Variants in SEPTIN6 observed in about 807,000 individuals in gnomAD.
The protein encoded by SEPTIN6 is septin-6.
In SEPTIN6, 8 loss-of-function variants were observed where a neutral mutation model predicts 33.6. That is an observed-to-expected ratio of 0.24 (90% confidence interval 0.14 to 0.43). SEPTIN6 has a LOEUF of 0.43. SEPTIN6 is among the 20% of genes least tolerant of loss of function. The pLI is 1.00. For missense variants in SEPTIN6, 250 were observed against 340.8 expected (o/e 0.73, Z 2.10); for synonymous variants, 131 against 140.0 (o/e 0.94, Z 0.45).
In SEPTIN6 at chrX:119,617,009, A is replaced by ATTTTT; in HGVS notation, c.*3083_*3084insAAAAA. The ATTTTT allele has an allele frequency of 2.0e-6, 2 of 1,000,771 alleles. No individual in the cohort carries two copies. Among genetic ancestry groups the ATTTTT allele is most frequent in the Non-Finnish European group, 2.5e-6 (2 of 790,252 alleles). 82.5% of individuals were successfully genotyped at this position (1,000,771 alleles called of 1,213,427 possible). A position where few individuals can be genotyped will look rare whatever the true frequency, so the allele number is the denominator to read the frequency against. ...AACAGCCACATGTGAATGCCAAATG[A>ATTTTT]TTAAAACAAAAAAACAAAAACAAGA... On this transcript the variant is annotated 3_prime_UTR_variant, in exon 11 of 11. Transcript: ENST00000394610.
At chrX:119,658,693 T>C (rs1242142178) in intron 3 of SEPTIN6, among the ~76,000 whole-genome samples, 1 of 112,719 alleles carries the variant, frequency 8.9e-6, no homozygotes, top group African/African-American at 3.2e-5. Context: ...GTGGATATTA[T>C]ACCATCCTTT....
chrX:119,620,868 C>T (rs902292568), intron 10 of SEPTIN6, among the ~76,000 whole-genome samples: 5 of 110,781 alleles, frequency 4.5e-5, no homozygotes, highest in African/African-American at 9.9e-5. Context: ...GTGATCCACC[C>T]GCCTCAGCCT....
chrX:119,625,517 G>T (rs2053844601), intron 9 of SEPTIN6, 138 bp from the exon 10 acceptor site: 1 of 521,658 alleles, frequency 1.9e-6, no homozygotes, highest in African/African-American at 2.4e-5. Context: ...AGGGTGGACT[G>T]GTAGGAACCC....
chrX:119,617,215 T>C lies in SEPTIN6; in HGVS notation c.*2878A>G, dbSNP rs909766131. 4.9e-6 allele frequency: 4 copies of C among 809,766 alleles called. No individual in the cohort carries two copies. In the African/African-American group the frequency reaches 8.9e-5, roughly 18 times the overall value. The allele number at this position is 809,766 out of a possible 1,213,427, so 66.7% of individuals were successfully genotyped here. ...ACCATTTCTAATGACTGGTTTTGTT[T>C]CACCAGAAGTAAACAGAGTACTTAG... On this transcript the variant is annotated 3_prime_UTR_variant, in exon 11 of 11. Transcript: ENST00000394610.
chrX:119,619,436 T>C lies in SEPTIN6; in HGVS notation c.*657A>G. 1.2e-6 allele frequency: 1 copy of C among 814,863 alleles called. No homozygotes were observed. Among genetic ancestry groups the C allele is most frequent in the Non-Finnish European group, 1.5e-6 (1 of 676,751 alleles). The allele number at this position is 814,863 out of a possible 1,213,427, so 67.2% of individuals were successfully genotyped here. On this transcript the variant is annotated 3_prime_UTR_variant, in exon 11 of 11. Coordinates refer to ENST00000394610, the MANE Select transcript of SEPTIN6 (RefSeq NM_145799.4). Reference sequence around the variant, plus strand: ...GTTGTGTTTTATGGGAAGGGCTTGGTGTAAATAAATGCGTTGCCGATTTTG... The same window carrying C: ...GTTGTGTTTTATGGGAAGGGCTTGGCGTAAATAAATGCGTTGCCGATTTTG...
chrX:119,665,085 ATTCTTC>A (rs201248910), intron 2 of SEPTIN6, among the ~76,000 whole-genome samples: 18 of 103,931 alleles, frequency 1.7e-4, no homozygotes, highest in Admixed American at 1.7e-3. Context: ...GGCCACAAAA[ATTCTTC>A]TTCTTCTTCT....
chrX:119,617,692 A>T lies in SEPTIN6; in HGVS notation c.*2401T>A, dbSNP rs2147419713. On this transcript the variant is annotated 3_prime_UTR_variant, in exon 11 of 11. Transcript: ENST00000394610. Reference sequence around the variant, plus strand: ...GAATCCCTTTGTGAAACTGATTGGGAGTCAGGAGGCATGAAAATTAGTCTG... The same window carrying T: ...GAATCCCTTTGTGAAACTGATTGGGTGTCAGGAGGCATGAAAATTAGTCTG... 1.3e-6 allele frequency: 1 copy of T among 798,098 alleles called. No individual in the cohort carries two copies. The highest frequency in any genetic ancestry group is 2.2e-5 in the African/African-American group (1 of 45,893). 65.8% of individuals were successfully genotyped at this position (798,098 alleles called of 1,213,427 possible). A position where few individuals can be genotyped will look rare whatever the true frequency, so the allele number is the denominator to read the frequency against.
intron 8 of SEPTIN6, among the ~76,000 whole-genome samples, chrX:119,631,219 C>T (rs1223541083): frequency 4.9e-4 from 49 of 99,037 alleles, no homozygotes; most frequent in African/African-American, 1.9e-3. Context: ...CTCGCTCTGT[C>T]GCCCAAGCTG....
chrX:119,666,402 A>AC (rs1401746860), intron 2 of SEPTIN6, among the ~76,000 whole-genome samples: 40 of 111,112 alleles, frequency 3.6e-4, no homozygotes, highest in African/African-American at 1.3e-3. Context: ...TCCCCTCCCC[A>AC]CTCTGGGTGT....
chrX:119,637,654 TATCCATCC>T lies in SEPTIN6; in HGVS notation c.788-467_788-460del, dbSNP rs35208481. Among the ~76,000 whole-genome samples the T allele has an allele frequency of 3.0e-4, 28 of 91,900 alleles. No homozygotes were observed. In the South Asian group the frequency reaches 3.3e-3, roughly 11 times the overall value. The allele number at this position is 91,900 out of a possible 115,157, so 79.8% of individuals were successfully genotyped here. A position where few individuals can be genotyped will look rare whatever the true frequency, so the allele number is the denominator to read the frequency against. On this transcript the variant is annotated intron_variant, in intron 6 of 10. Transcript: ENST00000394610. ...CCATCCACTCATCCATCCATCTATC[TATCCATCC>T]ATCCATCCATCCATCCATCCATCCA... is the stretch of plus-strand genomic sequence containing the variant.
At chrX:119,663,702 G>A (rs1198845017) in intron 2 of SEPTIN6, 25 bp from the exon 3 acceptor site, 2 of 1,137,696 alleles carry the variant, frequency 1.8e-6, no homozygotes, top group South Asian at 2.0e-5. Context: ...GATAAATTAT[G>A]GTCTGTTCAC....
At chrX:119,620,420 G>A (rs1381113184) in intron 10 of SEPTIN6, among the ~76,000 whole-genome samples, 3 of 103,764 alleles carry the variant, frequency 2.9e-5, no homozygotes, top group East Asian at 3.1e-4. Flanking sequence ...CCGGGTTCAC[G>A]CCATTCTCCT....
intron 10 of SEPTIN6, among the ~76,000 whole-genome samples, chrX:119,621,819 T>TAG (rs2147437606): frequency 1.2e-5 from 1 of 85,235 alleles, no homozygotes; most frequent in African/African-American, 4.4e-5. Context: ...AAAAAAAAAA[T>TAG]AGAGAGATAG....
Position 119,620,060 on chromosome X carries a change from G to A in SEPTIN6, c.*42-9C>T. The A allele has an allele frequency of 8.6e-7, 1 of 1,167,144 alleles. No homozygotes were observed. The highest frequency in any genetic ancestry group is 1.2e-6 in the Non-Finnish European group (1 of 863,283). ...TCTACAGGAAGCCCAAACTGAAAAT[G>A]AAAAGAGAAGCTGAGTTAATGAATG... On this transcript the variant is annotated splice_polypyrimidine_tract_variant and intron_variant, in intron 10 of 10. Coordinates refer to ENST00000394610, the MANE Select transcript of SEPTIN6 (RefSeq NM_145799.4).
chrX:119,663,457 TACCCCACCCC>T lies in SEPTIN6; in HGVS notation c.341+15_341+24del. On this transcript the variant is annotated intron_variant, in intron 3 of 10. Transcript: ENST00000394610. ...CGGCCCTCTACCAACCTCCCCACCC[TACCCCACCCC>T]ACCGCCTTCTTTACCTGTCCTCTTT... is the stretch of plus-strand genomic sequence containing the variant. The T allele has an allele frequency of 2.4e-6, 1 of 408,380 alleles. No homozygotes were observed. The highest frequency in any genetic ancestry group is 4.2e-6 in the Non-Finnish European group (1 of 238,200). The allele number at this position is 408,380 out of a possible 1,213,427, so 33.7% of individuals were successfully genotyped here. A position where few individuals can be genotyped will look rare whatever the true frequency, so the allele number is the denominator to read the frequency against.
At chrX:119,676,751 A>T (rs1388854879) in intron 1 of SEPTIN6, among the ~76,000 whole-genome samples, 1 of 111,490 alleles carries the variant, frequency 9.0e-6, no homozygotes. Context: ...CGCCCAGGTG[A>T]GAGAGCAAGA....
chrX:119,657,231 AAC>A (rs1491256108), intron 3 of SEPTIN6, among the ~76,000 whole-genome samples: 2 of 109,312 alleles, frequency 1.8e-5, no homozygotes, highest in African/African-American at 6.7e-5. Flanking sequence ...AAAAAAAAAA[AAC>A]AAAACAAAAA....
chrX:119,662,042 A>G (rs1429617201), intron 3 of SEPTIN6, among the ~76,000 whole-genome samples: 1 of 100,611 alleles, frequency 9.9e-6, no homozygotes, highest in African/African-American at 3.6e-5. Context: ...CTGGCCCCCC[A>G]ACATCTTTCC....
chrX:119,668,194 G>A (rs759767214), intron 2 of SEPTIN6, among the ~76,000 whole-genome samples: 1 of 110,328 alleles, frequency 9.1e-6, no homozygotes, highest in African/African-American at 3.3e-5. Flanking sequence ...TACTCAGGAG[G>A]CTGAGGGTGG....
Sources: allele counts gnomAD v4.1 joint callset (sites outside exome capture counted in the v4.1 genomes callset), GRCh38; gene constraint gnomAD v4.1.1; transcripts MANE v1.5; gene names NCBI Gene and HGNC (gene_info 2026-07-23, HGNC 2026-07-21).